The following DISP3 variants were observed in gnomAD, a reference collection of about 807,000 sequenced individuals.
The protein encoded by DISP3 is protein dispatched homolog 3.
In DISP3, 101 loss-of-function variants were observed where a neutral mutation model predicts 135.3. The ratio of observed to expected loss-of-function variants is 0.75; its 90% CI spans 0.64 to 0.88. The LOEUF (loss-of-function observed/expected upper bound fraction) is 0.88. Among genes scored for constraint, DISP3 ranks in the 40% least tolerant of loss-of-function variants. The pLI, the probability that DISP3 is intolerant of heterozygous loss-of-function variation, is 0.00. For missense variants in DISP3, 1,713 were observed against 1,878.6 expected, an observed-to-expected ratio of 0.91 and a Z score of 1.63; for synonymous variants, 856 against 817.0, an observed-to-expected ratio of 1.05 and a Z score of -0.81.
intron 3 of DISP3, among the ~76,000 whole-genome samples, chr1:11,503,197 G>A (rs1641602173): frequency 6.6e-6 from 1 of 152,204 alleles, no homozygotes; most frequent in Non-Finnish European, 1.5e-5. Context: ...GGTCTTTCTG[G>A]AAAGAGTATT....
chr1:11,533,899 T>A (rs1642640221), intron 17 of DISP3: 1 of 715,902 alleles, frequency 1.4e-6, no homozygotes, highest in East Asian at 2.7e-5. Context: ...CCAGCCAGGC[T>A]GCTCCTGCCC....
chr1:11,497,845 C>T (rs188453195), intron 1 of DISP3, among the ~76,000 whole-genome samples: 17 of 152,256 alleles, frequency 1.1e-4, no homozygotes, highest in African/African-American at 2.6e-4. Context: ...TTCATTTGTC[C>T]AGGGGAAAGT....
rs1642259916 is a variant in DISP3, at chr1:11,522,728, G to GCCCAGCCAGGGCCCAGCCAGGA, written c.2363-1203_2363-1182dup. Among the ~76,000 whole-genome samples the GCCCAGCCAGGGCCCAGCCAGGA allele has an allele frequency of 7.8e-5, 2 of 25,614 alleles. 1 individual carries two copies. The highest frequency in any genetic ancestry group is 3.4e-4 in the African/African-American group (2 of 5,816). 16.8% of individuals were successfully genotyped at this position (25,614 alleles called of 152,430 possible). On this transcript the variant is annotated intron_variant, in intron 10 of 20. Coordinates refer to ENST00000294484, the MANE Select transcript of DISP3 (RefSeq NM_020780.2). ...AGGACCCAGCCAGGGCCCAGCCAGG[G>GCCCAGCCAGGGCCCAGCCAGGA]CCCAGCCAGGGCCCAGCCAGGACCC...
At chr1:11,525,445 A>C in intron 12 of DISP3, 133 bp downstream of exon 12, 2 of 1,148,350 alleles carry the variant, frequency 1.7e-6, no homozygotes, top group Non-Finnish European at 2.3e-6. Flanking sequence ...CCCTCCCCTA[A>C]ACCAGCCATG....
intron 5 of DISP3, 58 bp downstream of exon 5, chr1:11,515,561 C>G: frequency 6.5e-7 from 1 of 1,547,836 alleles, no homozygotes; most frequent in Non-Finnish European, 8.7e-7. Flanking sequence ...CTGCCCCATC[C>G]CCTTTCTCCC....
chr1:11,494,767 G>T (rs930169785), intron 1 of DISP3, among the ~76,000 whole-genome samples: 1 of 152,220 alleles, frequency 6.6e-6, no homozygotes, highest in African/African-American at 2.4e-5. Context: ...CCGTTAAATT[G>T]TATATACATA....
chr1:11,486,216 T>C (rs893344598), intron 1 of DISP3, among the ~76,000 whole-genome samples: 3 of 152,214 alleles, frequency 2.0e-5, no homozygotes, highest in African/African-American at 7.2e-5. Context: ...CCTCTGGACA[T>C]GATCGTGTGT....
At position 11,519,287 on chromosome 1, in the gene DISP3, G is replaced by C. The variant is rs2072995; in HGVS notation, c.1890-68G>C. 1.2e-5 allele frequency: 19 copies of C among 1,531,420 alleles called. No individual in the cohort carries two copies. Among genetic ancestry groups the C allele is most frequent in the African/African-American group, 2.7e-5 (2 of 73,480 alleles). 94.9% of individuals were successfully genotyped at this position (1,531,420 alleles called of 1,614,324 possible). A position where few individuals can be genotyped will look rare whatever the true frequency, so the allele number is the denominator to read the frequency against. Reference sequence around the variant, plus strand: ...TACCTGGGTTCATCTGATCCTCAGGGCCCTGCCCCACCCTCCCTGGGTACC... The same window carrying C: ...TACCTGGGTTCATCTGATCCTCAGGCCCCTGCCCCACCCTCCCTGGGTACC... On this transcript the variant is annotated intron_variant, in intron 7 of 20. Coordinates refer to ENST00000294484, the MANE Select transcript of DISP3 (RefSeq NM_020780.2). The surrounding 1 kb of genome is among the most constrained non-coding windows in gnomAD (Gnocchi z 4.3).
Position 11,520,844 on chromosome 1 carries a change from T to A in DISP3, c.2358T>A (p.Cys786Ter). The A allele has an allele frequency of 6.2e-7, 1 of 1,600,574 alleles. No individual in the cohort carries two copies. The highest frequency in any genetic ancestry group is 8.5e-7 in the Non-Finnish European group (1 of 1,173,566). ...CCGAGGGCATCTCCTGCATCACCTG[T>A]TCAGGTGAGGCTTCTAGCCAGGCTG... The part of the protein sequence containing the change: ...LSAEGISCIT[C>*]SGLFQEKPHS... The change falls in exon 10 of 21, where the codon TGT (cysteine) becomes TGA (stop). Residue 786 changes from cysteine to a stop codon, truncating the protein, a stop_gained. Coordinates refer to ENST00000294484, the MANE Select transcript of DISP3 (RefSeq NM_020780.2). LOFTEE classifies it high-confidence loss of function. The surrounding 1 kb of genome is among the most constrained non-coding windows in gnomAD (Gnocchi z 4.8).
intron 1 of DISP3, among the ~76,000 whole-genome samples, chr1:11,496,948 C>T (rs1641352256): frequency 6.6e-6 from 1 of 152,192 alleles, no homozygotes; most frequent in African/African-American, 2.4e-5. Flanking sequence ...CCTGGAGACA[C>T]GTGGGTTGAC....
In DISP3 at chr1:11,521,551, C is replaced by T. The variant is rs1168763944; in HGVS notation, c.2362+703C>T. Among the ~76,000 whole-genome samples, 12 of 95,758 alleles carry T rather than the reference C, an allele frequency of 1.3e-4. 1 individual carries two copies. The East Asian group carries it at 2.7e-3, about 21-fold the overall frequency. 62.8% of individuals were successfully genotyped at this position (95,758 alleles called of 152,430 possible). A position where few individuals can be genotyped will look rare whatever the true frequency, so the allele number is the denominator to read the frequency against. On this transcript the variant is annotated intron_variant, in intron 10 of 20. Coordinates refer to ENST00000294484, the MANE Select transcript of DISP3 (RefSeq NM_020780.2). ...GAGAGAAGAGGAGAGGTTAACCAGG[C>T]GGGGAGGGGAGAGGAGGGAAGAGGA...
At position 11,483,717 on chromosome 1, in the gene DISP3, T is replaced by C. The variant is rs1354163155; in HGVS notation, c.-4+4345T>C. Among the ~76,000 whole-genome samples the C allele has an allele frequency of 6.6e-6, 1 of 152,228 alleles. No homozygotes were observed. The highest frequency in any genetic ancestry group is 1.5e-5 in the Non-Finnish European group (1 of 68,046). ...CACCTGCGTTCATCAGTCAGTGGCC[T>C]GGGCTGGGTACTCAAGGCTTCTGAG... On this transcript the variant is annotated intron_variant, in intron 1 of 20. Coordinates refer to ENST00000294484, the MANE Select transcript of DISP3 (RefSeq NM_020780.2). The surrounding 1 kb of genome is among the most constrained non-coding windows in gnomAD (Gnocchi z 5.4).
intron 3 of DISP3, among the ~76,000 whole-genome samples, chr1:11,506,440 AT>A (rs934094110): frequency 1.3e-5 from 2 of 148,194 alleles, no homozygotes; most frequent in African/African-American, 2.5e-5. Flanking sequence ...TTATTTTTTT[AT>A]TTTTTTTTCT....
rs150095643 is a variant in DISP3 at position 11,537,108 on chromosome 1, C to T, written c.*422C>T. On this transcript the variant is annotated 3_prime_UTR_variant, in exon 21 of 21. Transcript: ENST00000294484. ...CGCCAGGACACAGTGGCTGCCCTGT[C>T]GCTGGATCAGTAGCAGAGCCAGAGC... 1.6e-3 allele frequency: 265 copies of T among 167,714 alleles called. 4 individuals carry two copies. The East Asian group carries it at 0.017, about 11-fold the overall frequency. The allele number at this position is 167,714 out of a possible 1,614,324, so 10.4% of individuals were successfully genotyped here. A position where few individuals can be genotyped will look rare whatever the true frequency, so the allele number is the denominator to read the frequency against.
chr1:11,528,708 C>T (rs529615103), intron 13 of DISP3, among the ~76,000 whole-genome samples: 2 of 152,222 alleles, frequency 1.3e-5, no homozygotes, highest in South Asian at 2.1e-4. Context: ...TGGTCTCTGA[C>T]GGGGCTCGGT....
At chr1:11,504,773 G>A (rs1641651061) in intron 3 of DISP3, among the ~76,000 whole-genome samples, 1 of 152,112 alleles carries the variant, frequency 6.6e-6, no homozygotes, top group African/African-American at 2.4e-5. Flanking sequence ...AGAAGCCAAT[G>A]CCATGCTGTT....
chr1:11,527,876 C>A (rs974825468), intron 13 of DISP3, among the ~76,000 whole-genome samples: 3 of 152,166 alleles, frequency 2.0e-5, no homozygotes, highest in Non-Finnish European at 4.4e-5. Flanking sequence ...CTCCAAGTGC[C>A]ACATCCAGCC....
At position 11,515,437 on chromosome 1, in the gene DISP3, G is replaced by A. The variant is rs754623427; in HGVS notation, c.1522G>A (p.Val508Met). Residue 508 changes from valine to methionine, a missense_variant, in exon 5 of 21, where the codon GTG (valine) becomes ATG (methionine). By Grantham distance (21) the Val-to-Met change is conservative. Around this residue, in one of 2 missense-constraint regions of DISP3, gnomAD observed 1,142 missense variants for 1,384.6 expected, o/e 0.82. Transcript: ENST00000294484. ...SCLVALFLYH[V>M]VFGIQYLGIL... ...CCTGGTGGCCCTCTTCCTGTACCAC[G>A]TGGTCTTTGGTATCCAGTACTTGGG... The A allele has an allele frequency of 5.0e-6, 8 of 1,613,938 alleles. No homozygotes were observed. The highest frequency in any genetic ancestry group is 2.2e-5 in the East Asian group (1 of 44,886).
In DISP3 at chr1:11,519,455, C is replaced by T. The variant is rs1367525468; in HGVS notation, c.1990C>T (p.Pro664Ser). The change falls in exon 8 of 21, where the codon CCC becomes TCC. Residue 664 changes from proline (P) to serine (S), a missense_variant. This residue lies in a region of DISP3 where 1,142 missense variants were observed against 1,384.6 expected (regional missense o/e 0.82). Transcript: ENST00000294484. The surrounding 1 kb of genome is among the most constrained non-coding windows in gnomAD (Gnocchi z 4.3). The part of the protein sequence containing the change: ...VGGSPAQGPI[P>S]YLDDDIPLLE... ...AGGCAGCCCTGCCCAGGGCCCCATA[C>T]CCTACCTGGATGATGACATCCCCTT... 2 of 1,613,686 alleles carry T rather than the reference C, an allele frequency of 1.2e-6. No individual in the cohort carries two copies. The highest frequency in any genetic ancestry group is 3.3e-5 in the Admixed American group (2 of 60,008).
Sources: allele counts gnomAD v4.1 joint callset (sites outside exome capture counted in the v4.1 genomes callset), GRCh38; gene constraint gnomAD v4.1.1; regional missense constraint gnomAD v4.1.1; non-coding constraint Gnocchi (gnomAD v3.1); transcripts MANE v1.5; gene names NCBI Gene and HGNC (gene_info 2026-07-23, HGNC 2026-07-21).